The following POT1 variants were observed in gnomAD, a reference collection of about 807,000 sequenced individuals.
POT1 encodes the protein protection of telomeres protein 1.
In POT1, 47 loss-of-function variants were observed where a neutral mutation model predicts 78.5. The ratio of observed to expected loss-of-function variants is 0.60; its 90% CI spans 0.47 to 0.76. The LOEUF (loss-of-function observed/expected upper bound fraction) is 0.76. Among genes scored for constraint, POT1 ranks in the 30% least tolerant of loss-of-function variants. POT1 has a pLI of 0.00. For synonymous variants in POT1, 259 were observed against 260.7 expected (o/e 0.99, Z 0.06); for missense variants, 646 against 749.9 (o/e 0.86, Z 1.62).
intron 5 of POT1, among the ~76,000 whole-genome samples, chr7:124,895,222 A>T (rs921564205): frequency 2.0e-5 from 3 of 151,646 alleles, no homozygotes; most frequent in African/African-American, 7.2e-5. Context: ...CTAGTTGCTC[A>T]TTATCGCACA....
At chr7:124,923,887 G>A (rs1243355662) in intron 2 of POT1, among the ~76,000 whole-genome samples, 1 of 150,288 alleles carries the variant, frequency 6.7e-6, no homozygotes, top group Non-Finnish European at 1.5e-5. Context: ...TTTTCCAAGT[G>A]CTCAAACAAA....
chr7:124,863,295 T>G (rs1795643557), intron 8 of POT1, 55 bp downstream of exon 8: 2 of 1,505,602 alleles, frequency 1.3e-6, no homozygotes, highest in South Asian at 2.5e-5. Flanking sequence ...CATAAGCTCT[T>G]TACAGACATG....
chr7:124,846,472 G>T (rs1795169820), intron 12 of POT1, among the ~76,000 whole-genome samples: 1 of 151,802 alleles, frequency 6.6e-6, no homozygotes, highest in Non-Finnish European at 1.5e-5. Context: ...CAGAAGGAGG[G>T]TACTTGATAG....
At chr7:124,866,931 C>T (rs1487277232) in intron 7 of POT1, among the ~76,000 whole-genome samples, 2 of 152,196 alleles carry the variant, frequency 1.3e-5, no homozygotes, top group Non-Finnish European at 2.9e-5. Context: ...TAAATGGGTT[C>T]TACTTGATGT....
intron 14 of POT1, chr7:124,840,759 T>C (rs1488662068): frequency 3.1e-5 from 12 of 382,588 alleles, no homozygotes; most frequent in Admixed American, 1.7e-4. Flanking sequence ...CACTTGAGTC[T>C]GAAGTACAAT....
At chr7:124,905,768 C>T (rs777915954) in intron 3 of POT1, among the ~76,000 whole-genome samples, 18 of 151,910 alleles carry the variant, frequency 1.2e-4, no homozygotes, top group South Asian at 4.2e-4. Flanking sequence ...AGAATCTACA[C>T]GGAACTTAAA....
In POT1 at chr7:124,825,202, T is replaced by C. The variant is rs146966778; in HGVS notation, c.1792+50A>G. 0.013 allele frequency: 15,655 copies of C among 1,220,572 alleles called. 128 individuals are homozygous for C. Among genetic ancestry groups the C allele is most frequent in the Non-Finnish European group, 0.015 (12,831 of 833,288 alleles). The allele number at this position is 1,220,572 out of a possible 1,614,324, so 75.6% of individuals were successfully genotyped here. A position where few individuals can be genotyped will look rare whatever the true frequency, so the allele number is the denominator to read the frequency against. On this transcript the variant is annotated intron_variant, in intron 18 of 18. Transcript: ENST00000357628. ...AGTCCACAGAGTACATATATGTTAGTGCTATCTCAAGTAAAAGAAGTGTGG... is the reference window on the plus strand; with the variant it reads ...AGTCCACAGAGTACATATATGTTAGCGCTATCTCAAGTAAAAGAAGTGTGG...
rs372155830 is a variant in POT1, at chr7:124,827,927, G to A, written c.1595-622C>T. ...ATACACCTGTAATTCCAGCTCCTCT[G>A]GAGGCTGAGGCATGAGAATTGCTTG... On this transcript the variant is annotated intron_variant, in intron 16 of 18. Coordinates refer to ENST00000357628, the MANE Select transcript of POT1 (RefSeq NM_015450.3). Among the ~76,000 whole-genome samples, 8 of 152,180 alleles carry A rather than the reference G, an allele frequency of 5.3e-5. No individual in the cohort carries two copies. The East Asian group carries it at 1.4e-3, about 26-fold the overall frequency.
intron 14 of POT1, among the ~76,000 whole-genome samples, chr7:124,840,420 C>T (rs1299297134): frequency 6.6e-6 from 1 of 151,276 alleles, no homozygotes; most frequent in East Asian, 1.9e-4. Flanking sequence ...AAGAAAAACT[C>T]TAAATTTGCC....
chr7:124,920,081 T>C (rs1252501084), intron 2 of POT1, among the ~76,000 whole-genome samples: 1 of 149,674 alleles, frequency 6.7e-6, no homozygotes, highest in Non-Finnish European at 1.5e-5. Context: ...TAGGAACTAT[T>C]TGAACATTTG....
At chr7:124,848,012 C>T (rs1795212648) in intron 11 of POT1, among the ~76,000 whole-genome samples, 1 of 152,172 alleles carries the variant, frequency 6.6e-6, no homozygotes, top group East Asian at 1.9e-4. Flanking sequence ...AAAATGTCTA[C>T]CGCATATCAT....
At chr7:124,843,018 C>A in intron 12 of POT1, 55 bp from the exon 13 acceptor site, 2 of 1,250,874 alleles carry the variant, frequency 1.6e-6, no homozygotes, top group South Asian at 1.6e-5. Context: ...TTATGACATG[C>A]ATCCTCCTGA....
intron 9 of POT1, 43 bp from the exon 10 acceptor site, chr7:124,853,181 T>G (rs200530944): frequency 3.5e-6 from 5 of 1,424,200 alleles, no homozygotes; most frequent in East Asian, 4.6e-5. Flanking sequence ...GGGGAAAAAT[T>G]AAAATACTTC....
intron 2 of POT1, among the ~76,000 whole-genome samples, chr7:124,924,184 GA>G (rs1262477753): frequency 7.0e-6 from 1 of 142,874 alleles, no homozygotes; most frequent in Middle Eastern, 3.6e-3. Context: ...AAGGATCAAT[GA>G]AAAAAAAGTT....
chr7:124,833,244 T>G (rs988863053), intron 15 of POT1, among the ~76,000 whole-genome samples: 13 of 152,134 alleles, frequency 8.5e-5, no homozygotes, highest in African/African-American at 3.1e-4. Context: ...ATGGCTAAAA[T>G]TTTATGATAT....
intron 12 of POT1, among the ~76,000 whole-genome samples, chr7:124,845,816 C>T (rs1040581326): frequency 1.3e-5 from 2 of 151,788 alleles, no homozygotes; most frequent in Non-Finnish European, 2.9e-5. Context: ...CCTTTATCAT[C>T]ATCAACATGG....
At chr7:124,856,901 ACAGT>A (rs1444559514) in intron 9 of POT1, among the ~76,000 whole-genome samples, 1 of 152,222 alleles carries the variant, frequency 6.6e-6, no homozygotes, top group Admixed American at 6.5e-5. Context: ...TATATCTTCA[ACAGT>A]CAGTGTTTTC....
intron 9 of POT1, chr7:124,858,706 T>C: frequency 4.0e-6 from 1 of 249,866 alleles, no homozygotes; most frequent in Non-Finnish European, 7.5e-6. Flanking sequence ...TTCTATACTA[T>C]TTTCACAGTA....
At chr7:124,887,300 A>T (rs1796269686) in intron 6 of POT1, among the ~76,000 whole-genome samples, 1 of 152,170 alleles carries the variant, frequency 6.6e-6, no homozygotes, top group South Asian at 2.1e-4. Context: ...ACAACAACAG[A>T]TATTAAAAGG....
Sources: allele counts gnomAD v4.1 joint callset (sites outside exome capture counted in the v4.1 genomes callset), GRCh38; gene constraint gnomAD v4.1.1; transcripts MANE v1.5; gene names NCBI Gene and HGNC (gene_info 2026-07-23, HGNC 2026-07-21).